NPAS2: variants seen among roughly 807,000 people sequenced by gnomAD.
NPAS2 encodes neuronal PAS domain-containing protein 2.
NPAS2 carries 23 observed loss-of-function variants against 107.5 expected under a neutral mutation model. That is an observed-to-expected ratio of 0.21 (90% CI 0.15 to 0.30). NPAS2 has a LOEUF of 0.30. Ranked by LOEUF, NPAS2 falls within the 10% of genes least tolerant of loss-of-function variation. The pLI is 1.00. For missense variants in NPAS2, 756 were observed against 1,043.3 expected (o/e 0.72, Z 3.79); for synonymous variants, 403 against 417.5 (o/e 0.97, Z 0.42).
intron 16 of NPAS2, chr2:100,983,109 G>A (rs978681273): frequency 6.6e-6 from 1 of 152,216 alleles, no homozygotes; most frequent in Non-Finnish European, 1.5e-5. Context: ...CCCAGCCTTT[G>A]ATTGTAAATG....
chr2:100,894,716 C>G (rs1224213693), intron 1 of NPAS2, among the ~76,000 whole-genome samples: 1 of 152,114 alleles, frequency 6.6e-6, no homozygotes, highest in Non-Finnish European at 1.5e-5. Flanking sequence ...AAAGAATGTC[C>G]TGGCCTGGTC....
At chr2:100,944,168 G>A (rs1674748912) in intron 5 of NPAS2, among the ~76,000 whole-genome samples, 1 of 152,242 alleles carries the variant, frequency 6.6e-6, no homozygotes, top group East Asian at 1.9e-4. Context: ...GGGAGACCAA[G>A]GCCCCAGTGA....
chr2:100,931,501 T>G (rs1351124759), intron 3 of NPAS2, among the ~76,000 whole-genome samples: 4 of 149,048 alleles, frequency 2.7e-5, no homozygotes, highest in African/African-American at 1.0e-4. Context: ...TTTTTTTTTT[T>G]TTTGACATGG....
intron 1 of NPAS2, among the ~76,000 whole-genome samples, chr2:100,900,874 C>T (rs1031591715): frequency 6.6e-6 from 1 of 151,900 alleles, no homozygotes; most frequent in Admixed American, 6.6e-5. Context: ...CCTCCCCTCC[C>T]TTCTCCTCTT....
intron 1 of NPAS2, among the ~76,000 whole-genome samples, chr2:100,828,888 T>C (rs1676554035): frequency 6.6e-6 from 1 of 152,212 alleles, no homozygotes; most frequent in Non-Finnish European, 1.5e-5. Flanking sequence ...AGCTCTTTTT[T>C]GGTTCCCTAT....
At chr2:100,922,041 C>A (rs1683258580) in intron 2 of NPAS2, among the ~76,000 whole-genome samples, 1 of 152,192 alleles carries the variant, frequency 6.6e-6, no homozygotes, top group African/African-American at 2.4e-5. Context: ...ATCAAAAAGA[C>A]TGTATACTCT....
intron 19 of NPAS2, among the ~76,000 whole-genome samples, chr2:100,991,247 C>T (rs567851023): frequency 1.3e-5 from 2 of 152,254 alleles, no homozygotes; most frequent in East Asian, 1.9e-4. Context: ...CTTGGTGCTC[C>T]GTGCTTCTGG....
chr2:100,974,277 G>C (rs115754346), intron 12 of NPAS2, among the ~76,000 whole-genome samples: 247 of 152,338 alleles, frequency 1.6e-3, no homozygotes, highest in African/African-American at 5.6e-3. Context: ...GGGAGCCAGG[G>C]TCAGTCAGGA....
At chr2:100,848,890 A>C (rs937203000) in intron 1 of NPAS2, among the ~76,000 whole-genome samples, 1 of 152,238 alleles carries the variant, frequency 6.6e-6, no homozygotes, top group African/African-American at 2.4e-5. Flanking sequence ...AATCGCCCTG[A>C]CATGTTCTCT....
intron 1 of NPAS2, among the ~76,000 whole-genome samples, chr2:100,838,601 TAGTC>T (rs1213943051): frequency 3.9e-5 from 6 of 152,110 alleles, no homozygotes; most frequent in Admixed American, 3.3e-4. Context: ...TTGATTTGCA[TAGTC>T]AGTACGCTGA....
At position 100,871,329 on chromosome 2, in the gene NPAS2, GTT is replaced by G. The variant is rs5832938; in HGVS notation, c.-22-33385_-22-33384del. ...TGCTGCCCACCTCTTCTTCTTCCTTGTTTTTTTTTTTTTTTTTTTTAAAGACA... is the reference window on the plus strand; with the variant it reads ...TGCTGCCCACCTCTTCTTCTTCCTTGTTTTTTTTTTTTTTTTTTAAAGACA... On this transcript the variant is annotated intron_variant, in intron 1 of 20. Coordinates refer to ENST00000335681, the MANE Select transcript of NPAS2 (RefSeq NM_002518.4). 8.7e-3 allele frequency among the ~76,000 whole-genome samples: 1,114 copies of G among 127,498 alleles called. 11 individuals carry two copies. Among genetic ancestry groups the G allele is most frequent in the African/African-American group, 0.019 (665 of 34,172 alleles). The allele number at this position is 127,498 out of a possible 152,430, so 83.6% of individuals were successfully genotyped here.
At position 100,857,875 on chromosome 2, in the gene NPAS2, G is replaced by A. The variant is rs867441612; in HGVS notation, c.-23+37461G>A. Among the ~76,000 whole-genome samples, 10 of 152,194 alleles carry A rather than the reference G, an allele frequency of 6.6e-5. No individual in the cohort carries two copies. The East Asian group carries it at 9.6e-4, about 15-fold the overall frequency. ...ACTTGGTCTCTCTTATGTCTGCTTC[G>A]GAGAGCTCAAGCTGCCTCCTGGCAT... On this transcript the variant is annotated intron_variant, in intron 1 of 20. Transcript: ENST00000335681.
Position 100,975,603 on chromosome 2 carries a change from C to T in NPAS2, c.1392+36C>T, listed in dbSNP as rs199509677. ...GACCCCAAACTCCTCCACGGGTGTA[C>T]GCTACAATGTGGTGGGGGCTGCAGA... On this transcript the variant is annotated intron_variant, in intron 14 of 20. Coordinates refer to ENST00000335681, the MANE Select transcript of NPAS2 (RefSeq NM_002518.4). 862 of 1,491,648 alleles carry T rather than the reference C, an allele frequency of 5.8e-4. 3 individuals are homozygous for T. The African/African-American group carries it at 9.5e-3, about 16-fold the overall frequency. The allele number at this position is 1,491,648 out of a possible 1,614,324, so 92.4% of individuals were successfully genotyped here.
upstream of NPAS2, among the ~76,000 whole-genome samples, chr2:100,819,304 C>G (rs961187082): frequency 6.6e-6 from 1 of 152,188 alleles, no homozygotes; most frequent in Admixed American, 6.5e-5. This position sits in a 1 kb window ranked among gnomAD's most constrained non-coding sequence, Gnocchi z 5.8. Context: ...CCCCACACCC[C>G]ACGTGCCCCT....
chr2:100,959,827 C>T (rs988960274), intron 7 of NPAS2, among the ~76,000 whole-genome samples: 2 of 152,170 alleles, frequency 1.3e-5, no homozygotes, highest in African/African-American at 4.8e-5. Flanking sequence ...ATAAGCAGGT[C>T]GTCTCTGATG....
chr2:100,959,089 C>CAG (rs1675755502), intron 7 of NPAS2, among the ~76,000 whole-genome samples: 1 of 47,674 alleles, frequency 2.1e-5, no homozygotes, highest in Non-Finnish European at 4.0e-5. Context: ...CCCATCTCTT[C>CAG]AAAAAAAAAA....
Position 100,993,530 on chromosome 2 carries a change from G to T in NPAS2, c.2292+3G>T. On this transcript the variant is annotated splice_donor_region_variant and intron_variant, in intron 20 of 20. Coordinates refer to ENST00000335681, the MANE Select transcript of NPAS2 (RefSeq NM_002518.4). Reference sequence around the variant, plus strand: ...AGCCACCGCAGCACTACCTGCAGGTGGGTGCCACGGCCCAGGGGGCCCCCG... The same window carrying T: ...AGCCACCGCAGCACTACCTGCAGGTTGGTGCCACGGCCCAGGGGGCCCCCG... 1 of 1,540,478 alleles carries T rather than the reference G, an allele frequency of 6.5e-7. No homozygotes were observed. The highest frequency in any genetic ancestry group is 8.8e-7 in the Non-Finnish European group (1 of 1,139,948).
In NPAS2 at chr2:100,968,436, G is replaced by A. The variant is rs185317494; in HGVS notation, c.1055+8G>A. ...CACACACTCGGTGGTCAGGTACCGC[G>A]CACGGGCAGGGGTGCGGCTGCGTCC... On this transcript the variant is annotated splice_region_variant and intron_variant, in intron 11 of 20. Coordinates refer to ENST00000335681, the MANE Select transcript of NPAS2 (RefSeq NM_002518.4). The surrounding 1 kb of genome is among the most constrained non-coding windows in gnomAD (Gnocchi z 5.3). The A allele has an allele frequency of 1.9e-5, 30 of 1,612,746 alleles. No individual in the cohort carries two copies. The highest frequency in any genetic ancestry group is 7.7e-5 in the South Asian group (7 of 90,990).
chr2:100,905,639 A>G (rs1364762262), intron 2 of NPAS2, among the ~76,000 whole-genome samples: 1 of 152,068 alleles, frequency 6.6e-6, no homozygotes, highest in East Asian at 1.9e-4. Flanking sequence ...GACACTCTTC[A>G]TTGCAACCCC....
Sources: allele counts gnomAD v4.1 joint callset (sites outside exome capture counted in the v4.1 genomes callset), GRCh38; gene constraint gnomAD v4.1.1; non-coding constraint Gnocchi (gnomAD v3.1); transcripts MANE v1.5; gene names NCBI Gene and HGNC (gene_info 2026-07-23, HGNC 2026-07-21).